Variants in KCNMB3 observed in about 807,000 individuals in gnomAD.
KCNMB3 encodes potassium calcium-activated channel subfamily M regulatory beta subunit 3.
A neutral mutation model predicts 11.9 loss-of-function variants in KCNMB3; 18 were observed. That is an observed-to-expected ratio of 1.51 (90% CI 1.04 to 2.23). KCNMB3 has a LOEUF of 2.23. Ranked by LOEUF, KCNMB3 falls within the 30% of genes most tolerant of loss-of-function variation. The probability of loss-of-function intolerance (pLI) is 0.00; values close to 1 mark genes in which losing one functional copy is unlikely to be tolerated. For synonymous variants in KCNMB3, 78 were observed against 119.2 expected (o/e 0.65, Z 2.25); for missense variants, 247 against 329.4 (o/e 0.75, Z 1.94).
chr3:179,257,872 TTG>T lies in KCNMB3; in HGVS notation c.63-6940_63-6939del, dbSNP rs112319528. On this transcript the variant is annotated intron_variant, in intron 1 of 3. Transcript: ENST00000349697. ...GGGTTACAGGCATGAAAACATTGTT[TTG>T]TGTGTGTGTGTGTGTGTGTGTGTGT... Among the ~76,000 whole-genome samples the T allele has an allele frequency of 9.1e-3, 826 of 90,908 alleles. 8 individuals are homozygous for T. Among genetic ancestry groups the T allele is most frequent in the African/African-American group, 0.02 (682 of 34,752 alleles). 59.6% of individuals were successfully genotyped at this position (90,908 alleles called of 152,430 possible).
intron 1 of KCNMB3, chr3:179,259,139 TA>T: frequency 2.5e-6 from 4 of 1,577,470 alleles, no homozygotes; most frequent in Non-Finnish European, 3.4e-6. Flanking sequence ...CATGGTTTTT[TA>T]GGCTATTGCT....
At chr3:179,258,456 T>G (rs1300921526) in intron 1 of KCNMB3, among the ~76,000 whole-genome samples, 1 of 152,232 alleles carries the variant, frequency 6.6e-6, no homozygotes, top group Non-Finnish European at 1.5e-5. Context: ...TTAAAATGAT[T>G]ATTGTTCTAA....
chr3:179,249,456 C>G (rs1725759214), intron 1 of KCNMB3, among the ~76,000 whole-genome samples: 2 of 151,616 alleles, frequency 1.3e-5, no homozygotes, highest in African/African-American at 4.8e-5. Context: ...GTCAGGAGTT[C>G]AAAGGTCAGG....
At chr3:179,245,917 G>A (rs1487590339) in intron 1 of KCNMB3, among the ~76,000 whole-genome samples, 1 of 152,212 alleles carries the variant, frequency 6.6e-6, no homozygotes, top group Non-Finnish European at 1.5e-5. Flanking sequence ...ATGTTGAAGA[G>A]AAAGGACATG....
At position 179,243,893 on chromosome 3, in the gene KCNMB3, CTGTT is replaced by C. The variant is rs1725547091; in HGVS notation, c.447+598_447+601del. On this transcript the variant is annotated intron_variant, in intron 2 of 2. Transcript: ENST00000392685. ...GAGGTACTGTGCTAAAGGCCAAAAA[CTGTT>C]TGAAATCTTAAAAATCATTGCATCC... 2.0e-5 allele frequency among the ~76,000 whole-genome samples: 3 copies of C among 152,150 alleles called. No individual in the cohort carries two copies. The South Asian group carries it at 6.2e-4, about 32-fold the overall frequency.
upstream of KCNMB3, among the ~76,000 whole-genome samples, chr3:179,255,669 A>G (rs1050769745): frequency 3.3e-5 from 5 of 152,198 alleles, no homozygotes; most frequent in African/African-American, 1.2e-4. Flanking sequence ...TTTTAAAAAG[A>G]TAGTCAAATT....
At chr3:179,260,917 C>T in intron 1 of KCNMB3, 4 of 1,133,434 alleles carry the variant, frequency 3.5e-6, no homozygotes, top group Non-Finnish European at 5.3e-6. Flanking sequence ...CATTGGAAAA[C>T]ATAGCCTTCT....
downstream of KCNMB3, chr3:179,239,838 G>A: frequency 8.1e-6 from 4 of 494,604 alleles, no homozygotes; most frequent in Non-Finnish European, 1.5e-5. Context: ...GAAGAAAAAC[G>A]TTTTTAATGT....
rs199641915 is a variant in KCNMB3 at position 179,263,648 on chromosome 3, CA to C, written c.62+3000del. On this transcript the variant is annotated intron_variant, in intron 1 of 3. Coordinates refer to the KCNMB3 transcript ENST00000349697. Reference sequence around the variant, plus strand: ...CTCATTGTATGAAACTTGAAAAATACAAAAAAAAATGTACAGAAGAGAACAA... The same window carrying C: ...CTCATTGTATGAAACTTGAAAAATACAAAAAAAATGTACAGAAGAGAACAA... 6.6e-3 allele frequency among the ~76,000 whole-genome samples: 994 copies of C among 150,400 alleles called. 7 individuals carry two copies. The highest frequency in any genetic ancestry group is 0.014 in the African/African-American group (573 of 41,098).
At chr3:179,251,463 A>G, upstream of KCNMB3, 1 of 1,404,078 alleles carries the variant, frequency 7.1e-7, no homozygotes, top group East Asian at 2.6e-5. Context: ...AGAATTATGA[A>G]GTTGTCATGG....
At chr3:179,249,007 C>CTTTT (rs1169837939) in intron 1 of KCNMB3, among the ~76,000 whole-genome samples, 43 of 89,868 alleles carry the variant, frequency 4.8e-4, no homozygotes, top group South Asian at 8.2e-4. Context: ...GACCCCGTCT[C>CTTTT]TTTTTTTTTT....
upstream of KCNMB3, among the ~76,000 whole-genome samples, chr3:179,252,328 T>C (rs1450997453): frequency 6.6e-6 from 1 of 152,184 alleles, no homozygotes; most frequent in Non-Finnish European, 1.5e-5. Context: ...GCAGCACTAA[T>C]GGTAGAAACA....
At chr3:179,247,574 C>T (rs574578298) in intron 1 of KCNMB3, among the ~76,000 whole-genome samples, 2 of 152,098 alleles carry the variant, frequency 1.3e-5, no homozygotes, top group African/African-American at 4.8e-5. Context: ...TTATGAGAAC[C>T]GAGCTACAAA....
At chr3:179,254,343 C>G (rs1004390740), upstream of KCNMB3, among the ~76,000 whole-genome samples, 4 of 152,148 alleles carry the variant, frequency 2.6e-5, no homozygotes, top group Non-Finnish European at 4.4e-5. Context: ...TTAGATAATC[C>G]TCAAGGGGAT....
chr3:179,261,893 G>C (rs1472013288), intron 1 of KCNMB3, among the ~76,000 whole-genome samples: 1 of 152,048 alleles, frequency 6.6e-6, no homozygotes, highest in African/African-American at 2.4e-5. Flanking sequence ...CTAAAACACA[G>C]ATACAAAAAG....
At chr3:179,263,349 G>T (rs372465558) in intron 1 of KCNMB3, among the ~76,000 whole-genome samples, 5 of 152,098 alleles carry the variant, frequency 3.3e-5, no homozygotes, top group African/African-American at 9.7e-5. Flanking sequence ...GGACTGGCCC[G>T]CAAGCTCCGC....
chr3:179,259,488 T>C (rs761691455), intron 1 of KCNMB3: 12 of 1,612,660 alleles, frequency 7.4e-6, no homozygotes, highest in Non-Finnish European at 1.0e-5. Context: ...AAGTTTTCCA[T>C]CCAACTTCAT....
chr3:179,259,721 T>A, intron 1 of KCNMB3: 1 of 1,588,698 alleles, frequency 6.3e-7, no homozygotes, highest in Non-Finnish European at 8.5e-7. Flanking sequence ...TCCTCTTCTT[T>A]TTCTTTTTCT....
chr3:179,246,002 A>C (rs974449366), intron 1 of KCNMB3, among the ~76,000 whole-genome samples: 4 of 152,230 alleles, frequency 2.6e-5, no homozygotes, highest in African/African-American at 9.6e-5. Context: ...CTTTGATTGA[A>C]TATATGAGAC....
Sources: gnomAD v4.1 joint callset for allele counts (sites outside exome capture counted in the v4.1 genomes callset) on GRCh38, gnomAD v4.1.1 for gene constraint, MANE v1.5 for transcripts, NCBI Gene and HGNC (gene_info 2026-07-23, HGNC 2026-07-21) for gene names.